NPAS2: variants seen among roughly 807,000 people sequenced by gnomAD.
NPAS2 encodes neuronal PAS domain protein 2.
A neutral mutation model predicts 107.5 loss-of-function variants in NPAS2; 23 were observed. That is an observed-to-expected ratio of 0.21 (90% CI 0.15 to 0.30). The LOEUF is 0.30. NPAS2 is among the 10% of genes least tolerant of loss of function. The pLI, the probability that NPAS2 is intolerant of heterozygous loss-of-function variation, is 1.00. For missense variants in NPAS2, 756 were observed against 1,043.3 expected (o/e 0.72, Z 3.79); for synonymous variants, 403 against 417.5 (o/e 0.97, Z 0.42).
At chr2:100,971,382 C>CTGTA (rs1057284152) in intron 12 of NPAS2, among the ~76,000 whole-genome samples, 4 of 151,994 alleles carry the variant, frequency 2.6e-5, no homozygotes, top group Admixed American at 1.3e-4. Flanking sequence ...GACTTTCCAG[C>CTGTA]CTTACAAGCA....
chr2:100,841,757 T>C (rs779686867), intron 1 of NPAS2, among the ~76,000 whole-genome samples: 2 of 152,186 alleles, frequency 1.3e-5, no homozygotes, highest in East Asian at 3.9e-4. Context: ...TACCTGCATA[T>C]GTGTATATAC....
At chr2:100,964,379 G>GCATTC (rs1676091658) in intron 8 of NPAS2, among the ~76,000 whole-genome samples, 1 of 152,190 alleles carries the variant, frequency 6.6e-6, no homozygotes, top group African/African-American at 2.4e-5. Flanking sequence ...TTTGAAGGCA[G>GCATTC]CATCGCTTGC....
intron 7 of NPAS2, among the ~76,000 whole-genome samples, chr2:100,963,132 G>A (rs1676009137): frequency 6.6e-6 from 1 of 152,230 alleles, no homozygotes; most frequent in Admixed American, 6.5e-5. Context: ...TAAATCCTGA[G>A]CCCTGTCTCC....
At chr2:100,982,039 G>T (rs929232730) in intron 15 of NPAS2, among the ~76,000 whole-genome samples, 192 bp from the exon 16 acceptor site, 3 of 152,206 alleles carry the variant, frequency 2.0e-5, no homozygotes, top group African/African-American at 7.2e-5. Context: ...TGGTGCAGGG[G>T]CCCCCAGGAT....
At chr2:100,878,684 G>T in intron 1 of NPAS2, 1 of 856,568 alleles carries the variant, frequency 1.2e-6, no homozygotes, top group Non-Finnish European at 1.4e-6. Context: ...TGGTGGCATT[G>T]ATTTTGTAGA....
At chr2:100,931,252 G>C (rs1446914925) in intron 3 of NPAS2, among the ~76,000 whole-genome samples, 3 of 151,930 alleles carry the variant, frequency 2.0e-5, no homozygotes, top group Non-Finnish European at 4.4e-5. Flanking sequence ...TCCTCTCCTG[G>C]GTTTCTTCTC....
At chr2:100,916,982 AACAT>A (rs1220168925) in intron 2 of NPAS2, among the ~76,000 whole-genome samples, 2 of 152,206 alleles carry the variant, frequency 1.3e-5, no homozygotes, top group East Asian at 3.8e-4. Context: ...AATAAAAATG[AACAT>A]ACATTTCAAA....
intron 1 of NPAS2, among the ~76,000 whole-genome samples, chr2:100,843,196 T>C (rs1304558344): frequency 6.9e-6 from 1 of 145,150 alleles, no homozygotes; most frequent in East Asian, 2.0e-4. Context: ...TCCAGCCTGG[T>C]GACAGAGTGA....
chr2:100,848,372 T>A (rs1471165350), intron 1 of NPAS2, among the ~76,000 whole-genome samples: 1 of 152,160 alleles, frequency 6.6e-6, no homozygotes, highest in African/African-American at 2.4e-5. Context: ...TGGAAAGTTC[T>A]TATAGACACA....
chr2:100,837,786 T>C (rs1393193911), intron 1 of NPAS2, among the ~76,000 whole-genome samples: 1 of 152,168 alleles, frequency 6.6e-6, no homozygotes, highest in Non-Finnish European at 1.5e-5. Context: ...GTTGGGCGTA[T>C]GCTGGGAGGA....
chr2:100,937,803 T>C lies in NPAS2; in HGVS notation c.324T>C (p.Tyr108=). ...TGACAACAGACGGCAGCATCATCTA[T>C]GTCTCTGACAGTATCACGCCTCTCC... The part of the protein sequence containing the change: ...IAVTTDGSII[Y]VSDSITPLLG... The change falls in exon 5 of 21, where the codon TAT becomes TAC. Residue 108 remains tyrosine (Y), a synonymous_variant. Transcript: ENST00000335681. The C allele has an allele frequency of 6.2e-7, 1 of 1,614,206 alleles. No individual in the cohort carries two copies. Among genetic ancestry groups the C allele is most frequent in the Non-Finnish European group, 8.5e-7 (1 of 1,180,004 alleles).
chr2:100,985,840 A>G (rs1176811971), intron 16 of NPAS2: 1 of 152,216 alleles, frequency 6.6e-6, no homozygotes, highest in Non-Finnish European at 1.5e-5. Context: ...CGAAGGCCAT[A>G]CTGCTAGTAA....
At chr2:100,917,354 C>G (rs1201339268) in intron 2 of NPAS2, among the ~76,000 whole-genome samples, 1 of 151,922 alleles carries the variant, frequency 6.6e-6, no homozygotes, top group African/African-American at 2.4e-5. Flanking sequence ...TAGTGAAACC[C>G]CCGTCTCTAC....
chr2:100,871,184 C>T (rs911923826), intron 1 of NPAS2, among the ~76,000 whole-genome samples: 1 of 152,158 alleles, frequency 6.6e-6, no homozygotes, highest in African/African-American at 2.4e-5. Flanking sequence ...CAGCCACACC[C>T]GTTCATATTA....
chr2:100,965,046 A>G lies in NPAS2; in HGVS notation c.800+103A>G, dbSNP rs17025086. 111,021 of 723,962 alleles carry G rather than the reference A, an allele frequency of 0.15. 12,949 individuals carry two copies. The highest frequency in any genetic ancestry group is 0.47 in the East Asian group (15,784 of 33,394). The allele number at this position is 723,962 out of a possible 1,614,324, so 44.8% of individuals were successfully genotyped here. A position where few individuals can be genotyped will look rare whatever the true frequency, so the allele number is the denominator to read the frequency against. ...GAAGAGTCGGCCCTGGTCCATTGAA[A>G]GAGGAGGACTCTCTGGCACTAGGAA... On this transcript the variant is annotated intron_variant, in intron 9 of 20. Coordinates refer to ENST00000335681, the MANE Select transcript of NPAS2 (RefSeq NM_002518.4). This position sits in a 1 kb window ranked among gnomAD's most constrained non-coding sequence, Gnocchi z 4.3.
intron 7 of NPAS2, among the ~76,000 whole-genome samples, chr2:100,950,208 GT>G (rs1421474682): frequency 1.3e-5 from 2 of 152,146 alleles, no homozygotes; most frequent in Non-Finnish European, 2.9e-5. Context: ...CCTGCATTTT[GT>G]TTTCTGGGCT....
At chr2:100,961,681 T>A (rs1391802015) in intron 7 of NPAS2, among the ~76,000 whole-genome samples, 1 of 152,204 alleles carries the variant, frequency 6.6e-6, no homozygotes, top group Non-Finnish European at 1.5e-5. Flanking sequence ...ATGGTCCAGG[T>A]CGCTGCTGCC....
At chr2:100,953,398 A>T (rs1675363628) in intron 7 of NPAS2, among the ~76,000 whole-genome samples, 1 of 151,730 alleles carries the variant, frequency 6.6e-6, no homozygotes, top group Non-Finnish European at 1.5e-5. Flanking sequence ...AAACAAAAAA[A>T]ACACCCTATA....
chr2:100,879,091 C>A lies in NPAS2; in HGVS notation c.-22-25642C>A, dbSNP rs189805511. On this transcript the variant is annotated intron_variant, in intron 1 of 20. Transcript: ENST00000335681. Reference sequence around the variant, plus strand: ...TCGCACCACTGTGTTCCAGCCTGGGCGACAGAGCGAGACTCTGTCTCAAAA... The same window carrying A: ...TCGCACCACTGTGTTCCAGCCTGGGAGACAGAGCGAGACTCTGTCTCAAAA... Among the ~76,000 whole-genome samples, 294 of 146,278 alleles carry A rather than the reference C, an allele frequency of 2.0e-3. 1 individual carries two copies. Among genetic ancestry groups the A allele is most frequent in the African/African-American group, 7.2e-3 (285 of 39,322 alleles).
Sources: allele counts gnomAD v4.1 joint callset (sites outside exome capture counted in the v4.1 genomes callset), GRCh38; gene constraint gnomAD v4.1.1; non-coding constraint Gnocchi (gnomAD v3.1); transcripts MANE v1.5; gene names NCBI Gene and HGNC (gene_info 2026-07-23, HGNC 2026-07-21).